PPP2R2B: variants seen among roughly 807,000 people sequenced by gnomAD.
The protein encoded by PPP2R2B is serine/threonine-protein phosphatase 2A 55 kDa regulatory subunit B beta isoform.
PPP2R2B carries 5 observed loss-of-function variants against 46.0 expected under a neutral mutation model. The observed-to-expected ratio is 0.11, with a 90% confidence interval of 0.06 to 0.23. The LOEUF is 0.23. Among genes scored for constraint, PPP2R2B ranks in the 10% least tolerant of loss-of-function variants. The pLI, the probability that PPP2R2B is intolerant of heterozygous loss-of-function variation, is 1.00. For synonymous variants in PPP2R2B, 215 were observed against 206.7 expected, an observed-to-expected ratio of 1.04 and a Z score of -0.34; for missense variants, 367 against 575.0, an observed-to-expected ratio of 0.64 and a Z score of 3.70.
At chr5:147,033,178 G>A (rs1480700034) in intron 1 of PPP2R2B, among the ~76,000 whole-genome samples, 1 of 152,216 alleles carries the variant, frequency 6.6e-6, no homozygotes, top group Non-Finnish European at 1.5e-5. Flanking sequence ...GAAGATTACT[G>A]ACCAGGAAGT....
chr5:146,663,591 A>G (rs1463627609), intron 5 of PPP2R2B, among the ~76,000 whole-genome samples: 2 of 152,214 alleles, frequency 1.3e-5, no homozygotes. Flanking sequence ...CAGTGTATAT[A>G]AAGTTATGCT....
At chr5:146,752,628 A>G (rs1203256464) in intron 2 of PPP2R2B, among the ~76,000 whole-genome samples, 1 of 152,194 alleles carries the variant, frequency 6.6e-6, no homozygotes. Context: ...TGAGGTTTGC[A>G]ATGTGTGAGA....
At chr5:146,741,232 C>A (rs374214183) in intron 2 of PPP2R2B, among the ~76,000 whole-genome samples, 1 of 152,130 alleles carries the variant, frequency 6.6e-6, no homozygotes, top group Admixed American at 6.6e-5. Context: ...TAGCAGGCAA[C>A]CCCCCTTTCT....
At chr5:146,735,422 G>A (rs1752478414) in intron 2 of PPP2R2B, among the ~76,000 whole-genome samples, 1 of 151,706 alleles carries the variant, frequency 6.6e-6, no homozygotes. Context: ...GGTATATACT[G>A]ACCAGATATG....
At chr5:146,686,167 T>C (rs1778489210) in intron 5 of PPP2R2B, among the ~76,000 whole-genome samples, 1 of 152,212 alleles carries the variant, frequency 6.6e-6, no homozygotes, top group Admixed American at 6.5e-5. Flanking sequence ...TTGACAGATA[T>C]TTACTGAAAG....
intron 2 of PPP2R2B, among the ~76,000 whole-genome samples, chr5:146,805,024 CGG>C (rs1757090577): frequency 6.6e-6 from 1 of 152,132 alleles, no homozygotes; most frequent in Non-Finnish European, 1.5e-5. Context: ...CCATAAACAA[CGG>C]CAATTCTCCT....
At chr5:146,780,566 C>T (rs984760487) in intron 2 of PPP2R2B, among the ~76,000 whole-genome samples, 1 of 152,200 alleles carries the variant, frequency 6.6e-6, no homozygotes, top group Non-Finnish European at 1.5e-5. Context: ...TTATCTTTGG[C>T]ATATTCCCCT....
chr5:146,677,500 T>C (rs1777812989), intron 5 of PPP2R2B, among the ~76,000 whole-genome samples: 1 of 151,556 alleles, frequency 6.6e-6, no homozygotes, highest in Admixed American at 6.6e-5. Flanking sequence ...TATGATCTTA[T>C]ACTTTTTAAA....
At chr5:146,644,234 C>CAAAAAAAAAAAAA (rs58634387) in intron 6 of PPP2R2B, among the ~76,000 whole-genome samples, 1 of 60,660 alleles carries the variant, frequency 1.6e-5, no homozygotes, top group African/African-American at 6.3e-5. Flanking sequence ...AGGAAAGTTT[C>CAAAAAAAAAAAAA]AAAAAAAAAA....
Position 146,850,790 on chromosome 5 carries a change from C to T in PPP2R2B, c.70+27212G>A, listed in dbSNP as rs1272269347. Reference sequence around the variant, plus strand: ...ATTATTCTTTATTAATATATTTCCCCAGAGGGTCTTGTCACTCCATATTCC... The same window carrying T: ...ATTATTCTTTATTAATATATTTCCCTAGAGGGTCTTGTCACTCCATATTCC... On this transcript the variant is annotated intron_variant, in intron 2 of 9. Coordinates refer to ENST00000394411, the MANE Select transcript of PPP2R2B (RefSeq NM_181675.4). 2.0e-5 allele frequency among the ~76,000 whole-genome samples: 3 copies of T among 152,074 alleles called. No homozygotes were observed. The East Asian group carries it at 5.8e-4, about 29-fold the overall frequency.
At chr5:147,041,338 A>C (rs1368888822) in intron 1 of PPP2R2B, among the ~76,000 whole-genome samples, 1 of 152,124 alleles carries the variant, frequency 6.6e-6, no homozygotes, top group East Asian at 1.9e-4. Flanking sequence ...GAGAAAATTG[A>C]CATTGTTCCT....
intron 5 of PPP2R2B, among the ~76,000 whole-genome samples, chr5:146,687,968 G>A (rs1364593411): frequency 6.6e-6 from 1 of 152,158 alleles, no homozygotes; most frequent in Non-Finnish European, 1.5e-5. Flanking sequence ...CATTTCAAGA[G>A]GAGAGCGTGT....
chr5:146,694,772 T>C (rs1173687947), intron 4 of PPP2R2B, among the ~76,000 whole-genome samples: 2 of 151,864 alleles, frequency 1.3e-5, no homozygotes, highest in African/African-American at 4.8e-5. Flanking sequence ...TTCCACTAGA[T>C]AGAGATACCT....
chr5:146,608,786 A>G (rs776656905), intron 7 of PPP2R2B, among the ~76,000 whole-genome samples: 7 of 152,156 alleles, frequency 4.6e-5, no homozygotes, highest in Non-Finnish European at 7.4e-5. Context: ...CTCTGTCTCA[A>G]AAACAAACAA....
At chr5:146,692,527 ATTTTTTTTT>A (rs34156552) in intron 4 of PPP2R2B, among the ~76,000 whole-genome samples, 2 of 111,056 alleles carry the variant, frequency 1.8e-5, no homozygotes, top group East Asian at 5.3e-4. Context: ...TTTTAATTCA[ATTTTTTTTT>A]TTTTTTTTTT....
In PPP2R2B at chr5:146,936,265, G is replaced by A. The variant is rs190987397; in HGVS notation, c.79+119400C>T. ...CAAAGATTTCCTGCTGTAAGCAGTGGAGTCATTTGATACAATCATTGTGCC... is the reference window on the plus strand; with the variant it reads ...CAAAGATTTCCTGCTGTAAGCAGTGAAGTCATTTGATACAATCATTGTGCC... On this transcript the variant is annotated intron_variant, in intron 1 of 8. Transcript: ENST00000336640. Among the ~76,000 whole-genome samples the A allele has an allele frequency of 4.1e-4, 62 of 152,104 alleles. 1 individual carries two copies. Among genetic ancestry groups the A allele is most frequent in the African/African-American group, 1.4e-3 (60 of 41,512 alleles).
At chr5:146,724,794 G>C (rs1319453188) in intron 2 of PPP2R2B, among the ~76,000 whole-genome samples, 2 of 152,110 alleles carry the variant, frequency 1.3e-5, no homozygotes, top group Non-Finnish European at 2.9e-5. Context: ...GTCTATCTGG[G>C]AGTTACATGC....
chr5:146,620,961 C>T (rs1773634843), intron 7 of PPP2R2B, among the ~76,000 whole-genome samples: 1 of 152,244 alleles, frequency 6.6e-6, no homozygotes, highest in African/African-American at 2.4e-5. Flanking sequence ...GTTTCCAAGG[C>T]TGTCTACATA....
chr5:146,648,356 T>C (rs1296187585), intron 6 of PPP2R2B, among the ~76,000 whole-genome samples: 1 of 152,192 alleles, frequency 6.6e-6, no homozygotes, highest in Non-Finnish European at 1.5e-5. Context: ...ACGAAAATAA[T>C]CTTTTATTTG....
Sources: allele counts gnomAD v4.1 joint callset (sites outside exome capture counted in the v4.1 genomes callset), GRCh38; gene constraint gnomAD v4.1.1; transcripts MANE v1.5; gene names NCBI Gene and HGNC (gene_info 2026-07-23, HGNC 2026-07-21).